Variants in HIVEP3 observed in about 807,000 individuals in gnomAD.
HIVEP3 encodes HIVEP zinc finger 3, also known as transcription factor HIVEP3.
Under a neutral mutation model 152.8 loss-of-function variants are expected in HIVEP3, and 49 were observed. The ratio of observed to expected loss-of-function variants is 0.32; its 90% CI spans 0.26 to 0.41. HIVEP3 has a LOEUF of 0.41. HIVEP3 is among the 10% of genes least tolerant of loss of function. The probability of loss-of-function intolerance (pLI) is 1.00; values close to 1 mark genes in which losing one functional copy is unlikely to be tolerated. For synonymous variants in HIVEP3, 1,269 were observed against 1,289.0 expected (o/e 0.98, Z 0.33); for missense variants, 2,790 against 3,103.3 (o/e 0.90, Z 2.40).
At chr1:41,857,502 T>C (rs891534893) in intron 1 of HIVEP3, among the ~76,000 whole-genome samples, 9 of 148,468 alleles carry the variant, frequency 6.1e-5, no homozygotes, top group South Asian at 2.1e-4. Context: ...TAACCAAGTA[T>C]AGAAAAAAAA....
chr1:41,572,537 AGTG>A (rs1398945158), intron 5 of HIVEP3, among the ~76,000 whole-genome samples: 1 of 152,162 alleles, frequency 6.6e-6, no homozygotes, highest in Admixed American at 6.5e-5. Context: ...CCACCTTAGC[AGTG>A]GGTCTTGTGT....
At chr1:41,733,736 G>C (rs1390740595) in intron 1 of HIVEP3, among the ~76,000 whole-genome samples, 1 of 152,212 alleles carries the variant, frequency 6.6e-6, no homozygotes, top group Non-Finnish European at 1.5e-5. Context: ...GGACTGGAAA[G>C]AGGAAAGGGA....
At chr1:41,599,903 A>G (rs1228651937) in intron 3 of HIVEP3, among the ~76,000 whole-genome samples, 1 of 152,212 alleles carries the variant, frequency 6.6e-6, no homozygotes, top group African/African-American at 2.4e-5. Flanking sequence ...AAAAATGAGC[A>G]AAGGACTTGA....
intron 1 of HIVEP3, among the ~76,000 whole-genome samples, chr1:41,732,886 G>T (rs1465994279): frequency 6.6e-6 from 1 of 152,116 alleles, no homozygotes; most frequent in Non-Finnish European, 1.5e-5. Context: ...CCAGGTTTCA[G>T]TCCCCATGGG....
chr1:41,857,677 G>T (rs908867026), intron 1 of HIVEP3, among the ~76,000 whole-genome samples: 1 of 152,084 alleles, frequency 6.6e-6, no homozygotes, highest in Non-Finnish European at 1.5e-5. Context: ...TGCCTATGAG[G>T]TATGCATCCT....
chr1:41,860,606 A>G (rs1301310038), intron 1 of HIVEP3, among the ~76,000 whole-genome samples: 1 of 152,188 alleles, frequency 6.6e-6, no homozygotes, highest in Non-Finnish European at 1.5e-5. Flanking sequence ...TTGGATTGGA[A>G]AGGGATCTGA....
At chr1:41,532,365 G>T (rs184030860) in intron 5 of HIVEP3, among the ~76,000 whole-genome samples, 1 of 152,064 alleles carries the variant, frequency 6.6e-6, no homozygotes, top group East Asian at 1.9e-4. Flanking sequence ...GGCACCCCCC[G>T]GAGCAACGGC....
chr1:41,612,435 A>G (rs1336843874), intron 3 of HIVEP3, among the ~76,000 whole-genome samples: 1 of 152,188 alleles, frequency 6.6e-6, no homozygotes, highest in East Asian at 1.9e-4. Flanking sequence ...CATGGCTCCA[A>G]CTGCCCCCTA....
chr1:41,517,970 G>T (rs999225271), intron 7 of HIVEP3, among the ~76,000 whole-genome samples: 2 of 152,216 alleles, frequency 1.3e-5, no homozygotes, highest in African/African-American at 4.8e-5. Flanking sequence ...CGGAGAGTAT[G>T]TGTCCCACAG....
intron 1 of HIVEP3, among the ~76,000 whole-genome samples, chr1:41,950,626 C>G (rs1301757238): frequency 6.6e-6 from 1 of 152,192 alleles, no homozygotes; most frequent in Non-Finnish European, 1.5e-5. Flanking sequence ...GAGCTACTGC[C>G]ACCTGGGAAG....
chr1:41,657,401 C>T (rs1266987107), intron 2 of HIVEP3, among the ~76,000 whole-genome samples: 1 of 152,158 alleles, frequency 6.6e-6, no homozygotes, highest in East Asian at 1.9e-4. Context: ...AATGGTTATG[C>T]AATGAAGAGG....
chr1:41,846,707 G>A (rs981274563), intron 1 of HIVEP3, among the ~76,000 whole-genome samples: 1 of 152,268 alleles, frequency 6.6e-6, no homozygotes, highest in African/African-American at 2.4e-5. Context: ...GTAAATGTGT[G>A]TGATGAGTCA....
chr1:41,901,947 A>G (rs1644631784), intron 1 of HIVEP3, among the ~76,000 whole-genome samples: 1 of 152,190 alleles, frequency 6.6e-6, no homozygotes, highest in African/African-American at 2.4e-5. Context: ...GTACCCCAGC[A>G]CCTAGGAGGA....
intron 1 of HIVEP3, among the ~76,000 whole-genome samples, chr1:42,021,170 GA>G (rs1175044427): frequency 6.6e-6 from 1 of 152,104 alleles, no homozygotes; most frequent in African/African-American, 2.4e-5. Context: ...CCATAAGGGG[GA>G]AAAAAGGAAG....
At chr1:41,565,250 T>C (rs952489307) in intron 5 of HIVEP3, among the ~76,000 whole-genome samples, 4 of 152,256 alleles carry the variant, frequency 2.6e-5, no homozygotes, top group East Asian at 1.9e-4. Context: ...GGAATGCGAA[T>C]GGCAAAGGCT....
intron 1 of HIVEP3, among the ~76,000 whole-genome samples, chr1:41,772,024 C>T (rs1045815779): frequency 5.3e-5 from 8 of 152,138 alleles, no homozygotes; most frequent in African/African-American, 1.2e-4. Flanking sequence ...TTTTCAGAGA[C>T]TCCCACTTGC....
intron 1 of HIVEP3, among the ~76,000 whole-genome samples, chr1:41,722,446 T>TTCCC: frequency 6.7e-6 from 1 of 148,798 alleles, no homozygotes; most frequent in African/African-American, 2.5e-5. Flanking sequence ...CCTTCCTTCC[T>TTCCC]TCTTTCCTTC....
At chr1:41,671,774 G>A (rs1645880977) in intron 2 of HIVEP3, among the ~76,000 whole-genome samples, 1 of 152,206 alleles carries the variant, frequency 6.6e-6, no homozygotes, top group African/African-American at 2.4e-5. Flanking sequence ...AGAGCACAAA[G>A]GAAGGACCAG....
At chr1:41,519,509 C>T (rs1642700560) in intron 6 of HIVEP3, among the ~76,000 whole-genome samples, 1 of 152,234 alleles carries the variant, frequency 6.6e-6, no homozygotes, top group Non-Finnish European at 1.5e-5. Flanking sequence ...AGCAGCTACT[C>T]CCAAACCGTG....
Sources: gnomAD v4.1 joint callset for allele counts (sites outside exome capture counted in the v4.1 genomes callset) on GRCh38, gnomAD v4.1.1 for gene constraint, MANE v1.5 for transcripts, NCBI Gene and HGNC (gene_info 2026-07-23, HGNC 2026-07-21) for gene names.